Variants in CDH13 observed in about 807,000 individuals in gnomAD.
The protein encoded by CDH13 is cadherin 13.
A neutral mutation model predicts 63.8 loss-of-function variants in CDH13; 24 were observed. That is an observed-to-expected ratio of 0.38 (90% confidence interval 0.27 to 0.53). The LOEUF (loss-of-function observed/expected upper bound fraction) is 0.53. CDH13 is among the 20% of genes least tolerant of loss of function. The pLI, the probability that CDH13 is intolerant of heterozygous loss-of-function variation, is 0.85. For missense variants in CDH13, 1,049 were observed against 903.1 expected (o/e 1.16, Z -2.07); for synonymous variants, 503 against 355.3 (o/e 1.42, Z -4.67).
chr16:83,687,511 G>A lies in CDH13; in HGVS notation c.1538+9050G>A, dbSNP rs1401832889. ...TCACTATCCCGAAGACGCCACCAAG[G>A]AGGGATTGCGTTAACTCCCCTGATC... On this transcript the variant is annotated intron_variant, in intron 10 of 13. Transcript: ENST00000567109. Among the ~76,000 whole-genome samples, 3 of 152,134 alleles carry A rather than the reference G, an allele frequency of 2.0e-5. No individual in the cohort carries two copies. The East Asian group carries it at 5.8e-4, about 29-fold the overall frequency.
chr16:83,579,003 A>AT (rs1363808452), intron 7 of CDH13, among the ~76,000 whole-genome samples: 1 of 152,224 alleles, frequency 6.6e-6, no homozygotes, highest in African/African-American at 2.4e-5. Context: ...TATGAAAAGC[A>AT]TTTTGCACAT....
In CDH13 at chr16:83,798,793, A is replaced by G. The variant is rs2151026713; in HGVS notation, c.*3763A>G. The G allele has an allele frequency of 6.6e-6, 1 of 152,270 alleles. No homozygotes were observed. Among genetic ancestry groups the G allele is most frequent in the East Asian group, 1.9e-4 (1 of 5,184 alleles). 9.4% of individuals were successfully genotyped at this position (152,270 alleles called of 1,614,324 possible). ...TATGAGGTACCCTTTACTATTAAGTACCTTTTACTAACAGTATCTTCTGTT... is the reference window on the plus strand; with the variant it reads ...TATGAGGTACCCTTTACTATTAAGTGCCTTTTACTAACAGTATCTTCTGTT... On this transcript the variant is annotated 3_prime_UTR_variant, in exon 14 of 14. Transcript: ENST00000567109.
chr16:83,745,991 C>T (rs1311764108), intron 10 of CDH13, among the ~76,000 whole-genome samples: 1 of 152,186 alleles, frequency 6.6e-6, no homozygotes, highest in African/African-American at 2.4e-5. Flanking sequence ...GCTCCAAGGT[C>T]AGACCACCTG....
In CDH13 at chr16:83,486,495, T is replaced by C. The variant is rs764852853; in HGVS notation, c.800T>C (p.Met267Thr). 6.2e-7 allele frequency: 1 copy of C among 1,613,596 alleles called. No individual in the cohort carries two copies. The highest frequency in any genetic ancestry group is 8.5e-7 in the Non-Finnish European group (1 of 1,179,630). Residue 267 changes from methionine to threonine, a missense_variant, in exon 7 of 14, where the codon ATG becomes ACG. By Grantham distance (81) the Met-to-Thr change is moderately conservative (BLOSUM62 -1). Coordinates refer to ENST00000567109, the MANE Select transcript of CDH13 (RefSeq NM_001257.5). ...GSPTGTTVMR[M>T]TAFDADDPAT... ...CCGGTAGGCACCACAGTGATGCGGA[T>C]GACAGCCTTTGATGCAGATGACCCA...
At chr16:83,126,935 G>A (rs1385467293) in intron 4 of CDH13, among the ~76,000 whole-genome samples, 1 of 152,138 alleles carries the variant, frequency 6.6e-6, no homozygotes. Flanking sequence ...ATGGGATGAT[G>A]TGAAAAAAAG....
chr16:83,718,419 G>A (rs1313659150), intron 10 of CDH13, among the ~76,000 whole-genome samples: 1 of 152,224 alleles, frequency 6.6e-6, no homozygotes, highest in African/African-American at 2.4e-5. Flanking sequence ...ACTCAAGAAA[G>A]GTGAGTGTGA....
At chr16:83,159,118 C>T (rs1419598187) in intron 4 of CDH13, among the ~76,000 whole-genome samples, 1 of 151,518 alleles carries the variant, frequency 6.6e-6, no homozygotes, top group Admixed American at 6.6e-5. Context: ...CTATTTTTTT[C>T]TGTCTCGGTA....
chr16:83,586,355 T>C (rs1906156544), intron 7 of CDH13, among the ~76,000 whole-genome samples: 1 of 152,190 alleles, frequency 6.6e-6, no homozygotes, highest in Non-Finnish European at 1.5e-5. Flanking sequence ...AAAATGGCTC[T>C]GGAGGAGGGG....
intron 10 of CDH13, among the ~76,000 whole-genome samples, chr16:83,694,378 CA>C (rs1905180422): frequency 6.6e-6 from 1 of 152,166 alleles, no homozygotes. Flanking sequence ...CAACACTGCA[CA>C]AAACAGGGTT....
At chr16:83,038,163 C>T (rs1216940452) in intron 3 of CDH13, among the ~76,000 whole-genome samples, 2 of 152,188 alleles carry the variant, frequency 1.3e-5, no homozygotes, top group African/African-American at 4.8e-5. Flanking sequence ...TTCTCTAAGG[C>T]AAATATAATC....
At chr16:83,410,833 C>G (rs2092115758) in intron 6 of CDH13, among the ~76,000 whole-genome samples, 1 of 152,060 alleles carries the variant, frequency 6.6e-6, no homozygotes, top group African/African-American at 2.4e-5. Context: ...ATTGAGTGCC[C>G]ACTAACAACT....
At chr16:82,640,644 G>T (rs1909283290) in intron 1 of CDH13, among the ~76,000 whole-genome samples, 1 of 152,164 alleles carries the variant, frequency 6.6e-6, no homozygotes, top group Non-Finnish European at 1.5e-5. Context: ...TTACCAGTTG[G>T]TCAAACTTGT....
intron 13 of CDH13, among the ~76,000 whole-genome samples, chr16:83,786,665 G>A (rs1050011671): frequency 2.0e-5 from 3 of 151,666 alleles, no homozygotes; most frequent in Admixed American, 1.3e-4. Flanking sequence ...TCAGCTTACT[G>A]CAACCTCCGT....
chr16:83,410,143 G>A (rs1032267), intron 6 of CDH13, among the ~76,000 whole-genome samples: 19,264 of 152,094 alleles, frequency 0.13, 1,306 homozygotes, highest in South Asian at 0.19. Context: ...CATGTAGAGC[G>A]CATGGTTTTA....
At chr16:83,341,676 C>T (rs772782787) in intron 5 of CDH13, among the ~76,000 whole-genome samples, 8 of 152,138 alleles carry the variant, frequency 5.3e-5, no homozygotes, top group Non-Finnish European at 1.0e-4. Context: ...CTTCATTCTT[C>T]ACTTGGTTTA....
intron 7 of CDH13, among the ~76,000 whole-genome samples, chr16:83,553,088 A>C (rs1309532872): frequency 2.0e-5 from 3 of 152,040 alleles, no homozygotes; most frequent in African/African-American, 7.2e-5. Context: ...CAAAAAAAAA[A>C]AAAAAAGTGA....
intron 4 of CDH13, among the ~76,000 whole-genome samples, chr16:83,153,146 C>G (rs1472049614): frequency 2.0e-5 from 3 of 152,146 alleles, no homozygotes; most frequent in African/African-American, 7.2e-5. Flanking sequence ...ATCAATTCCC[C>G]TGAGCATTTG....
chr16:83,245,217 A>C (rs902397409), intron 5 of CDH13, among the ~76,000 whole-genome samples: 10 of 152,102 alleles, frequency 6.6e-5, no homozygotes, highest in East Asian at 1.9e-4. Flanking sequence ...TCCCAGACTT[A>C]TCTGGCTCTC....
chr16:83,694,191 G>T (rs1490523309), intron 10 of CDH13, among the ~76,000 whole-genome samples: 2 of 152,142 alleles, frequency 1.3e-5, no homozygotes, highest in Non-Finnish European at 2.9e-5. Flanking sequence ...GAGGGATTAG[G>T]GACCACCACA....
Sources: gnomAD v4.1 joint callset for allele counts (sites outside exome capture counted in the v4.1 genomes callset) on GRCh38, gnomAD v4.1.1 for gene constraint, MANE v1.5 for transcripts, NCBI Gene and HGNC (gene_info 2026-07-23, HGNC 2026-07-21) for gene names.